The following NRXN3 variants were observed in gnomAD, a reference collection of about 807,000 sequenced individuals.
NRXN3 encodes the protein neurexin 3.
Under a neutral mutation model 137.6 loss-of-function variants are expected in NRXN3, and 32 were observed. That is an observed-to-expected ratio of 0.23 (90% CI 0.18 to 0.31). The LOEUF (loss-of-function observed/expected upper bound fraction) is 0.31. Among genes scored for constraint, NRXN3 ranks in the 10% least tolerant of loss-of-function variants. The pLI is 1.00. For missense variants in NRXN3, 1,574 were observed against 2,062.5 expected (o/e 0.76, Z 4.59); for synonymous variants, 798 against 784.5 (o/e 1.02, Z -0.29).
At chr14:78,533,437 A>G (rs1419272372) in intron 4 of NRXN3, among the ~76,000 whole-genome samples, 2 of 152,044 alleles carry the variant, frequency 1.3e-5, no homozygotes, top group Non-Finnish European at 2.9e-5. Context: ...AGCTGACCTG[A>G]TTAAAATCTG....
At chr14:79,570,932 C>T (rs567567403) in intron 16 of NRXN3, among the ~76,000 whole-genome samples, 2 of 152,280 alleles carry the variant, frequency 1.3e-5, no homozygotes, top group East Asian at 3.9e-4. Context: ...CTTGTAAGAA[C>T]ACTAATCCTA....
intron 6 of NRXN3, among the ~76,000 whole-genome samples, chr14:78,692,538 A>C (rs2098181677): frequency 6.6e-6 from 1 of 152,172 alleles, no homozygotes; most frequent in Non-Finnish European, 1.5e-5. Context: ...GGTTGAATAA[A>C]GGTTATTTCT....
chr14:78,552,466 C>T (rs1357497116), intron 4 of NRXN3, among the ~76,000 whole-genome samples: 2 of 152,114 alleles, frequency 1.3e-5, no homozygotes, highest in Non-Finnish European at 1.5e-5. Flanking sequence ...TAACTGTGGT[C>T]ATGAGAAGTC....
chr14:78,798,445 G>T (rs956369260), intron 8 of NRXN3, among the ~76,000 whole-genome samples: 2 of 152,216 alleles, frequency 1.3e-5, no homozygotes, highest in Non-Finnish European at 2.9e-5. Context: ...CTCCACCCCT[G>T]TGGGTTTGCA....
At chr14:78,635,413 G>C (rs1345241413) in intron 4 of NRXN3, among the ~76,000 whole-genome samples, 1 of 152,116 alleles carries the variant, frequency 6.6e-6, no homozygotes, top group Non-Finnish European at 1.5e-5. Flanking sequence ...TGAATATAGT[G>C]AGTATCTAAT....
rs1319090566 is a variant in NRXN3 at position 79,646,224 on chromosome 14, G to A, written c.3445-17554G>A. On this transcript the variant is annotated intron_variant, in intron 16 of 20. Transcript: ENST00000335750. Reference sequence around the variant, plus strand: ...ATTGCAATAAATATGGTGATCATATGTATCCCTTGGGATTTGGGGTTGACA... The same window carrying A: ...ATTGCAATAAATATGGTGATCATATATATCCCTTGGGATTTGGGGTTGACA... Among the ~76,000 whole-genome samples, 2 of 134,936 alleles carry A rather than the reference G, an allele frequency of 1.5e-5. 1 individual carries two copies. The highest frequency in any genetic ancestry group is 3.4e-5 in the Non-Finnish European group (2 of 58,102). 88.5% of individuals were successfully genotyped at this position (134,936 alleles called of 152,430 possible). A position where few individuals can be genotyped will look rare whatever the true frequency, so the allele number is the denominator to read the frequency against.
chr14:79,852,151 G>T (rs1317382624), intron 20 of NRXN3, among the ~76,000 whole-genome samples: 1 of 150,984 alleles, frequency 6.6e-6, no homozygotes, highest in Non-Finnish European at 1.5e-5. Flanking sequence ...ATAAATTTGG[G>T]ATAAATTTCC....
At chr14:78,218,633 A>G (rs1369174185) in intron 1 of NRXN3, among the ~76,000 whole-genome samples, 1 of 152,208 alleles carries the variant, frequency 6.6e-6, no homozygotes, top group African/African-American at 2.4e-5. Flanking sequence ...AGAAGAATGA[A>G]ATTGCATCAC....
chr14:78,197,105 A>G (rs1407860732), intron 1 of NRXN3, among the ~76,000 whole-genome samples: 1 of 152,138 alleles, frequency 6.6e-6, no homozygotes, highest in East Asian at 1.9e-4. Flanking sequence ...GTTTGCTTGT[A>G]TCTTCTGTTC....
chr14:78,801,828 T>C (rs2098840050), intron 8 of NRXN3, among the ~76,000 whole-genome samples: 1 of 152,220 alleles, frequency 6.6e-6, no homozygotes, highest in Non-Finnish European at 1.5e-5. Context: ...ACACAGACTC[T>C]ATCCCATCTG....
At chr14:79,402,800 G>T (rs1469284774) in intron 15 of NRXN3, among the ~76,000 whole-genome samples, 1 of 152,124 alleles carries the variant, frequency 6.6e-6, no homozygotes, top group Admixed American at 6.5e-5. Context: ...TGACTGCTAG[G>T]TGCTGTGTGC....
chr14:79,351,875 C>CAGT lies in NRXN3; in HGVS notation c.3263-115344_3263-115342dup, dbSNP rs2093225345. Among the ~76,000 whole-genome samples the CAGT allele has an allele frequency of 2.6e-5, 4 of 152,316 alleles. No individual in the cohort carries two copies. The South Asian group carries it at 8.3e-4, about 32-fold the overall frequency. On this transcript the variant is annotated intron_variant, in intron 15 of 20. Transcript: ENST00000335750. ...AAAGCTGGGCAGTATTTATATCAAA[C>CAGT]AGTATATCATCTATGTGTTCATTTA...
intron 1 of NRXN3, among the ~76,000 whole-genome samples, chr14:78,181,442 A>T (rs2059799204): frequency 6.6e-6 from 1 of 152,128 alleles, no homozygotes; most frequent in Non-Finnish European, 1.5e-5. Context: ...ATGGGTTGCC[A>T]TGGTCACCTG....
intron 15 of NRXN3, among the ~76,000 whole-genome samples, chr14:78,988,883 A>C (rs915952161): frequency 2.6e-5 from 4 of 152,022 alleles, no homozygotes; most frequent in African/African-American, 9.7e-5. Flanking sequence ...TGTGATTGTT[A>C]ATTGTGTCCA....
intron 15 of NRXN3, among the ~76,000 whole-genome samples, chr14:79,166,936 CT>C (rs1400255387): frequency 6.6e-6 from 1 of 151,950 alleles, no homozygotes; most frequent in Non-Finnish European, 1.5e-5. Flanking sequence ...ACATTGATTT[CT>C]TTTAATCCTC....
intron 16 of NRXN3, among the ~76,000 whole-genome samples, chr14:79,474,889 A>G (rs76077822): frequency 3.8e-4 from 58 of 152,274 alleles, no homozygotes; most frequent in Non-Finnish European, 5.9e-4. Context: ...GAAGATGACA[A>G]TAGCCATGAC....
At chr14:79,233,577 G>C (rs1027450839) in intron 15 of NRXN3, among the ~76,000 whole-genome samples, 1 of 151,846 alleles carries the variant, frequency 6.6e-6, no homozygotes, top group Non-Finnish European at 1.5e-5. Context: ...AGAGAAACTT[G>C]GTCATATTCT....
At chr14:79,241,819 C>A (rs1393312286) in intron 15 of NRXN3, among the ~76,000 whole-genome samples, 1 of 152,128 alleles carries the variant, frequency 6.6e-6, no homozygotes, top group Non-Finnish European at 1.5e-5. Context: ...GTAATCCCAA[C>A]ACTTTGGGAG....
chr14:78,728,049 G>A (rs1281584899), intron 8 of NRXN3, among the ~76,000 whole-genome samples: 1 of 152,184 alleles, frequency 6.6e-6, no homozygotes, highest in African/African-American at 2.4e-5. Flanking sequence ...AAGTTACAGA[G>A]GTAGTAAGTA....
Sources: gnomAD v4.1 joint callset for allele counts (sites outside exome capture counted in the v4.1 genomes callset) on GRCh38, gnomAD v4.1.1 for gene constraint, MANE v1.5 for transcripts, NCBI Gene and HGNC (gene_info 2026-07-23, HGNC 2026-07-21) for gene names.